Variants in DCDC2C observed in about 807,000 individuals in gnomAD.
DCDC2C encodes doublecortin domain containing 2C.
Under a neutral mutation model 45.0 loss-of-function variants are expected in DCDC2C, and 44 were observed. The ratio of observed to expected loss-of-function variants is 0.98; its 90% CI spans 0.77 to 1.26. The LOEUF (loss-of-function observed/expected upper bound fraction) is 1.26, where lower values mean the gene tolerates loss of function less well. DCDC2C is among the 50% of genes most tolerant of loss of function. The pLI, the probability that DCDC2C is intolerant of heterozygous loss-of-function variation, is 0.00. For missense variants in DCDC2C, 447 were observed against 468.9 expected, an observed-to-expected ratio of 0.95 and a Z score of 0.43; for synonymous variants, 187 against 178.8, an observed-to-expected ratio of 1.05 and a Z score of -0.37.
At chr2:3,803,471 A>T (rs1019324870) in intron 10 of DCDC2C, among the ~76,000 whole-genome samples, 1 of 152,212 alleles carries the variant, frequency 6.6e-6, no homozygotes, top group South Asian at 2.1e-4. Flanking sequence ...CTCTGAAAAT[A>T]ATCTCAGTTG....
chr2:3,768,713 A>C (rs1670080370), intron 7 of DCDC2C, among the ~76,000 whole-genome samples: 1 of 152,140 alleles, frequency 6.6e-6, no homozygotes, highest in African/African-American at 2.4e-5. Context: ...AGCTGGGACT[A>C]CAGGCACCTC....
At chr2:3,717,091 A>G (rs1281168109) in intron 2 of DCDC2C, among the ~76,000 whole-genome samples, 1 of 151,390 alleles carries the variant, frequency 6.6e-6, no homozygotes, top group African/African-American at 2.4e-5. Context: ...TATTTGTGGG[A>G]CTGTTGTCAT....
chr2:3,704,396 G>A (rs1171722212), intron 1 of DCDC2C, among the ~76,000 whole-genome samples: 2 of 35,196 alleles, frequency 5.7e-5, no homozygotes, highest in Non-Finnish European at 1.1e-4. Context: ...GAGGGGCGTG[G>A]GGGGCGTGGG....
intron 2 of DCDC2C, among the ~76,000 whole-genome samples, chr2:3,717,441 A>C (rs12611609): frequency 0.46 from 69,591 of 151,190 alleles, 16,180 homozygotes; most frequent in East Asian, 0.49. Context: ...ACTCTCCCAG[A>C]AACGCCCCCA....
At chr2:3,707,487 C>T (rs566204675) in intron 1 of DCDC2C, among the ~76,000 whole-genome samples, 1 of 152,330 alleles carries the variant, frequency 6.6e-6, no homozygotes, top group South Asian at 2.1e-4. Context: ...CTGAACTCAG[C>T]CAGCAGCCAT....
In DCDC2C at chr2:3,724,225, T is replaced by G. The variant is rs528527995; in HGVS notation, c.340-2778T>G. Among the ~76,000 whole-genome samples the G allele has an allele frequency of 1.4e-4, 21 of 152,220 alleles. 1 individual carries two copies. Among genetic ancestry groups the G allele is most frequent in the South Asian group, 8.3e-4 (4 of 4,834 alleles). ...GTAGAGCTGGGATTTGAATTCAGAT[T>G]TGACCAATTCCAAAGCCTGGGGTCT... On this transcript the variant is annotated intron_variant, in intron 2 of 10. Transcript: ENST00000399143.
chr2:3,710,306 G>C (rs979854169), intron 2 of DCDC2C, among the ~76,000 whole-genome samples: 1 of 152,082 alleles, frequency 6.6e-6, no homozygotes, highest in African/African-American at 2.4e-5. Context: ...CTATCTCCTA[G>C]GTATTAATCC....
chr2:3,773,539 A>C (rs1349723598), intron 8 of DCDC2C, among the ~76,000 whole-genome samples: 1 of 152,242 alleles, frequency 6.6e-6, no homozygotes, highest in African/African-American at 2.4e-5. Flanking sequence ...ATTTTCTTAC[A>C]ATCTGTGCAA....
intron 6 of DCDC2C, among the ~76,000 whole-genome samples, chr2:3,760,262 G>T (rs191283181): frequency 6.6e-6 from 1 of 152,310 alleles, no homozygotes; most frequent in East Asian, 1.9e-4. Context: ...TTCAGCAAAA[G>T]AACTTGCATT....
Position 3,776,445 on chromosome 2 carries a change from C to T in DCDC2C, c.955-2371C>T, listed in dbSNP as rs576943236. 3.7e-4 allele frequency among the ~76,000 whole-genome samples: 57 copies of T among 152,310 alleles called. 1 individual carries two copies. Among genetic ancestry groups the T allele is most frequent in the Non-Finnish European group, 5.4e-4 (37 of 68,036 alleles). The stretch of plus-strand genomic sequence containing the variant: ...CTGTGCCACCAAACCCAACACATTC[C>T]CCAGTTCTCGTCACACGGGACCTTC... On this transcript the variant is annotated intron_variant, in intron 8 of 10. Transcript: ENST00000399143.
intron 9 of DCDC2C, 45 bp from the exon 10 acceptor site, chr2:3,785,014 T>C: frequency 8.3e-7 from 1 of 1,211,792 alleles, no homozygotes. Context: ...TTTTACAACA[T>C]CCTTCTTGCG....
intron 10 of DCDC2C, among the ~76,000 whole-genome samples, chr2:3,830,174 T>C (rs1671917104): frequency 6.6e-6 from 1 of 152,258 alleles, no homozygotes; most frequent in Admixed American, 6.5e-5. Context: ...CAGGCCCTGA[T>C]GTTTGTGCTT....
intron 6 of DCDC2C, among the ~76,000 whole-genome samples, chr2:3,765,244 G>T (rs767178266): frequency 1.3e-5 from 2 of 152,182 alleles, no homozygotes; most frequent in African/African-American, 4.8e-5. Context: ...CATTAAATCA[G>T]CAGAGATTTA....
At chr2:3,729,476 G>A (rs1364915868) in intron 3 of DCDC2C, among the ~76,000 whole-genome samples, 1 of 152,202 alleles carries the variant, frequency 6.6e-6, no homozygotes, top group Non-Finnish European at 1.5e-5. Context: ...GAAGTGATTT[G>A]GGCGTTTTAA....
At chr2:3,729,831 GGGGCTA>G (rs1260061291) in intron 3 of DCDC2C, among the ~76,000 whole-genome samples, 1 of 152,176 alleles carries the variant, frequency 6.6e-6, no homozygotes, top group Non-Finnish European at 1.5e-5. Flanking sequence ...GTTTAGTGGC[GGGGCTA>G]GGGTCATCCT....
chr2:3,783,876 CT>C (rs1428646993), intron 9 of DCDC2C, among the ~76,000 whole-genome samples: 3 of 152,204 alleles, frequency 2.0e-5, no homozygotes, highest in Non-Finnish European at 4.4e-5. Context: ...GAAAATCAAA[CT>C]TTTCTCTTTG....
chr2:3,811,479 G>A (rs1468219544), intron 10 of DCDC2C, among the ~76,000 whole-genome samples: 1 of 152,124 alleles, frequency 6.6e-6, no homozygotes, highest in Admixed American at 6.5e-5. Flanking sequence ...GAATTTTTGG[G>A]CTGAGATGAT....
intron 9 of DCDC2C, among the ~76,000 whole-genome samples, chr2:3,781,685 C>A (rs1250432775): frequency 1.3e-5 from 2 of 152,012 alleles, no homozygotes; most frequent in Non-Finnish European, 2.9e-5. Context: ...CATAGTGAGA[C>A]CCTGTTTCTA....
chr2:3,837,372 GAT>G (rs1672108320), intron 10 of DCDC2C, among the ~76,000 whole-genome samples: 1 of 152,218 alleles, frequency 6.6e-6, no homozygotes, highest in Non-Finnish European at 1.5e-5. Flanking sequence ...CCTGTAGAAA[GAT>G]GAGCATGAGC....
Sources: gnomAD v4.1 joint callset for allele counts (sites outside exome capture counted in the v4.1 genomes callset) on GRCh38, gnomAD v4.1.1 for gene constraint, MANE v1.5 for transcripts, NCBI Gene and HGNC (gene_info 2026-07-23, HGNC 2026-07-21) for gene names.